Variants in ABR observed in about 807,000 individuals in gnomAD.
ABR encodes the protein ABR activator of RhoGEF and GTPase, also known as active breakpoint cluster region-related protein.
ABR carries 35 observed loss-of-function variants against 107.2 expected under a neutral mutation model. The ratio of observed to expected loss-of-function variants is 0.33; its 90% CI spans 0.25 to 0.43. ABR has a LOEUF of 0.43. Ranked by LOEUF, ABR falls within the 20% of genes least tolerant of loss-of-function variation. The pLI, the probability that ABR is intolerant of heterozygous loss-of-function variation, is 1.00. For missense variants in ABR, 815 were observed against 1,115.2 expected (o/e 0.73, Z 3.83); for synonymous variants, 498 against 462.0 (o/e 1.08, Z -1.00).
At chr17:1,189,192 G>T (rs1163224099), upstream of ABR, among the ~76,000 whole-genome samples, 1 of 152,228 alleles carries the variant, frequency 6.6e-6, no homozygotes, top group South Asian at 2.1e-4. Context: ...CCGTTGGTTG[G>T]AGCAGTCCCA....
rs1422143869 is a variant in ABR, at chr17:1,179,719, C to G, written c.9G>C (p.Pro3=). ME[P]LSHRGLPRLS... is the part of the protein sequence containing the mutation. ...GGCGCGGCAGGCCCCGGTGGCTGAG[C>G]GGCTCCATCCCGCGGCGGCGGCTCG... Residue 3 remains proline (P), a synonymous_variant, in exon 1 of 23, where the codon CCG becomes CCC. Transcript: ENST00000302538. This position sits in a 1 kb window ranked among gnomAD's most constrained non-coding sequence, Gnocchi z 4.9. 2.6e-6 allele frequency: 4 copies of G among 1,533,412 alleles called. No individual in the cohort carries two copies. In the African/African-American group the frequency reaches 4.3e-5, roughly 16 times the overall value. The allele number at this position is 1,533,412 out of a possible 1,614,324, so 95.0% of individuals were successfully genotyped here. A position where few individuals can be genotyped will look rare whatever the true frequency, so the allele number is the denominator to read the frequency against.
At chr17:1,204,444 C>T (rs2042749546) in intron 1 of ABR, among the ~76,000 whole-genome samples, 1 of 151,994 alleles carries the variant, frequency 6.6e-6, no homozygotes, top group African/African-American at 2.4e-5. Flanking sequence ...GACTCTGTCT[C>T]AAAAAACAAA....
At chr17:1,189,209 C>G (rs548387952), upstream of ABR, among the ~76,000 whole-genome samples, 2 of 152,132 alleles carry the variant, frequency 1.3e-5, no homozygotes, top group Non-Finnish European at 2.9e-5. Context: ...CCCAGGCTCA[C>G]GAGACTGACA....
At chr17:1,076,714 C>CGGG (rs376868048) in intron 6 of ABR, among the ~76,000 whole-genome samples, 13 of 42,146 alleles carry the variant, frequency 3.1e-4, no homozygotes, top group African/African-American at 1.6e-3. Context: ...GGCAGGTGCA[C>CGGG]GGGGGGGGTG....
At chr17:1,018,537 G>A (rs928812161) in intron 16 of ABR, among the ~76,000 whole-genome samples, 2 of 152,158 alleles carry the variant, frequency 1.3e-5, no homozygotes, top group African/African-American at 4.8e-5. Flanking sequence ...GTGCCTCCTG[G>A]CAGCTTCTGC....
rs2151527483 is a variant in ABR at position 1,150,270 on chromosome 17, C to CA, written c.62-24904dup. On this transcript the variant is annotated intron_variant, in intron 1 of 22. Transcript: ENST00000302538. The surrounding 1 kb of genome is among the most constrained non-coding windows in gnomAD (Gnocchi z 4.8). ...TGCTAAAGATAACAGAGCACTTGGCCAAGCCAGCGCGATGTCTGCACTCAG... is the reference window on the plus strand; with the variant it reads ...TGCTAAAGATAACAGAGCACTTGGCCAAAGCCAGCGCGATGTCTGCACTCAG... 6.6e-6 allele frequency among the ~76,000 whole-genome samples: 1 copy of CA among 152,324 alleles called. No individual in the cohort carries two copies. Among genetic ancestry groups the CA allele is most frequent in the African/African-American group, 2.4e-5 (1 of 41,580 alleles).
chr17:1,195,939 G>A (rs1329257416), intron 1 of ABR, among the ~76,000 whole-genome samples: 1 of 150,676 alleles, frequency 6.6e-6, no homozygotes, highest in Non-Finnish European at 1.5e-5. Context: ...GACGAGCCTG[G>A]GCAACATGGC....
chr17:1,179,686 C>G lies in ABR; in HGVS notation c.42G>C (p.Trp14Cys). ...ACGTACTGCTGTAGAGGGTGTCGAT[C>G]CAGGACAGGCGCGGCAGGCCCCGGT... Reference protein sequence around the residue: ...LSHRGLPRLSWIDTLYSNFSY... With the variant: ...LSHRGLPRLSCIDTLYSNFSY... The change falls in exon 1 of 23, where the codon TGG becomes TGC. Residue 14 changes from tryptophan (W) to cysteine (C), a missense_variant. By Grantham distance (215) the Trp-to-Cys change is radical. Transcript: ENST00000302538. This position sits in a 1 kb window ranked among gnomAD's most constrained non-coding sequence, Gnocchi z 4.9. 6.4e-7 allele frequency: 1 copy of G among 1,564,628 alleles called. No individual in the cohort carries two copies. Among genetic ancestry groups the G allele is most frequent in the Non-Finnish European group, 8.6e-7 (1 of 1,156,222 alleles).
chr17:1,089,217 A>G (rs1442587777), intron 4 of ABR, among the ~76,000 whole-genome samples: 1 of 151,794 alleles, frequency 6.6e-6, no homozygotes, highest in African/African-American at 2.4e-5. Context: ...ATTTCTTTGT[A>G]GAGATAGGGT....
chr17:1,019,159 C>T (rs939252236), intron 16 of ABR, among the ~76,000 whole-genome samples: 15 of 152,178 alleles, frequency 9.9e-5, no homozygotes, highest in Middle Eastern at 3.2e-3. Flanking sequence ...ACTTCCGCTC[C>T]AGCTGCCAGG....
chr17:1,183,778 G>A (rs548426758), upstream of ABR, among the ~76,000 whole-genome samples: 22 of 152,282 alleles, frequency 1.4e-4, no homozygotes, highest in Middle Eastern at 3.4e-3. Flanking sequence ...AGGGAGCCCC[G>A]GTGCGTGCAG....
intron 1 of ABR, among the ~76,000 whole-genome samples, chr17:1,222,732 T>C (rs888642285): frequency 8.5e-5 from 13 of 152,104 alleles, no homozygotes; most frequent in African/African-American, 3.1e-4. Context: ...GGGAACATAG[T>C]GAGACCCCGT....
chr17:1,182,194 G>A (rs990898563), upstream of ABR: 11 of 152,068 alleles, frequency 7.2e-5, no homozygotes, highest in Non-Finnish European at 1.5e-4. Context: ...CTGTGTGCCC[G>A]GCTTAGCGTT....
chr17:1,088,295 T>C (rs964878878), intron 4 of ABR, among the ~76,000 whole-genome samples: 1 of 151,850 alleles, frequency 6.6e-6, no homozygotes. Context: ...TCCTGAGGGA[T>C]GAGGAGAGGA....
chr17:1,212,710 A>C (rs1313977959), intron 1 of ABR, among the ~76,000 whole-genome samples: 1 of 152,120 alleles, frequency 6.6e-6, no homozygotes, highest in Non-Finnish European at 1.5e-5. Flanking sequence ...ATCAACATGG[A>C]AAAACTCCAT....
At chr17:1,081,378 C>G (rs1437567570) in intron 5 of ABR, among the ~76,000 whole-genome samples, 1 of 151,286 alleles carries the variant, frequency 6.6e-6, no homozygotes, top group Non-Finnish European at 1.5e-5. Context: ...CCTGGCCTCT[C>G]CAGCCACTTG....
intron 7 of ABR, among the ~76,000 whole-genome samples, chr17:1,073,403 C>G: frequency 6.6e-6 from 1 of 152,116 alleles, no homozygotes; most frequent in East Asian, 1.9e-4. Context: ...GAATGCCTGC[C>G]TCCCCGGGAG....
chr17:1,144,455 C>G (rs958433635), intron 1 of ABR, among the ~76,000 whole-genome samples: 1 of 152,062 alleles, frequency 6.6e-6, no homozygotes, highest in Admixed American at 6.6e-5. Context: ...CTCTAGGTGC[C>G]GCCACTTCCT....
rs1367191921 is a variant in ABR, at chr17:1,012,615, G to A, written c.1961+73C>T. 4 of 1,148,696 alleles carry A rather than the reference G, an allele frequency of 3.5e-6. No individual in the cohort carries two copies. The African/African-American group carries it at 4.6e-5, about 13-fold the overall frequency. The allele number at this position is 1,148,696 out of a possible 1,614,324, so 71.2% of individuals were successfully genotyped here. ...GTGCCAGGATGGGCACCGGCGGGGA[G>A]GGCTGGGGGGCCCGGGCTGGGGGGG... On this transcript the variant is annotated intron_variant, in intron 18 of 22. Transcript: ENST00000302538.
Sources: gnomAD v4.1 joint callset for allele counts (sites outside exome capture counted in the v4.1 genomes callset) on GRCh38, gnomAD v4.1.1 for gene constraint, Gnocchi (gnomAD v3.1) non-coding constraint, MANE v1.5 for transcripts, NCBI Gene and HGNC (gene_info 2026-07-23, HGNC 2026-07-21) for gene names.